Variants in HMCN1 observed in about 807,000 individuals in gnomAD.
HMCN1 encodes the protein hemicentin-1.
Under a neutral mutation model 625.9 loss-of-function variants are expected in HMCN1, and 321 were observed. That is an observed-to-expected ratio of 0.51 (90% CI 0.47 to 0.56). The LOEUF is 0.56. Ranked by LOEUF, HMCN1 falls within the 20% of genes least tolerant of loss-of-function variation. The probability of loss-of-function intolerance (pLI) is 0.00; values close to 1 mark genes in which losing one functional copy is unlikely to be tolerated. For missense variants in HMCN1, 6,588 were observed against 6,887.3 expected (o/e 0.96, Z 1.54); for synonymous variants, 2,425 against 2,417.6 (o/e 1.00, Z -0.09).
chr1:186,031,836 G>C (rs1655459081), intron 36 of HMCN1, among the ~76,000 whole-genome samples: 2 of 151,950 alleles, frequency 1.3e-5, no homozygotes, highest in Admixed American at 6.6e-5. Context: ...GCTTTTAAAA[G>C]TAATTTCTGT....
chr1:185,882,869 C>A (rs1664397151), intron 4 of HMCN1, among the ~76,000 whole-genome samples: 1 of 151,980 alleles, frequency 6.6e-6, no homozygotes, highest in Admixed American at 6.6e-5. Context: ...TGAGGGAGAG[C>A]ATTTACAAAG....
chr1:185,947,215 T>C (rs975917260), intron 11 of HMCN1, among the ~76,000 whole-genome samples: 1 of 152,184 alleles, frequency 6.6e-6, no homozygotes, highest in Non-Finnish European at 1.5e-5. Context: ...TAGTTTAGGG[T>C]TGTCCAATAG....
At chr1:185,845,960 A>G in intron 1 of HMCN1, 66 bp from the exon 2 acceptor site, 1 of 1,010,506 alleles carries the variant, frequency 9.9e-7, no homozygotes, top group South Asian at 1.3e-5. Context: ...GACATCTATA[A>G]ACACAAGAAA....
At chr1:186,173,920 T>C (rs7554865) in intron 102 of HMCN1, among the ~76,000 whole-genome samples, 56,135 of 152,092 alleles carry the variant, frequency 0.37, 10,871 homozygotes, top group African/African-American at 0.46. Context: ...CTGACCATTG[T>C]ACTTTGTATA....
chr1:185,903,487 A>G (rs1665930616), intron 4 of HMCN1, among the ~76,000 whole-genome samples: 1 of 151,488 alleles, frequency 6.6e-6, no homozygotes, highest in Non-Finnish European at 1.5e-5. Context: ...ATTATTTCTT[A>G]TTTTGCCTAC....
chr1:185,996,036 A>T (rs754596648), intron 24 of HMCN1, among the ~76,000 whole-genome samples: 1 of 152,122 alleles, frequency 6.6e-6, no homozygotes, highest in Non-Finnish European at 1.5e-5. Flanking sequence ...ACTAATGAAG[A>T]AGTTTTCCTG....
chr1:185,981,089 T>C lies in HMCN1; in HGVS notation c.2662+16T>C. 1 of 1,409,222 alleles carries C rather than the reference T, an allele frequency of 7.1e-7. No homozygotes were observed. Among genetic ancestry groups the C allele is most frequent in the African/African-American group, 1.4e-5 (1 of 71,044 alleles). 87.3% of individuals were successfully genotyped at this position (1,409,222 alleles called of 1,614,324 possible). A position where few individuals can be genotyped will look rare whatever the true frequency, so the allele number is the denominator to read the frequency against. Reference sequence around the variant, plus strand: ...ACCGGACTTGGTAAGATCAATTGAATGTCTACATACCATGGTCTTCAAAGT... The same window carrying C: ...ACCGGACTTGGTAAGATCAATTGAACGTCTACATACCATGGTCTTCAAAGT... On this transcript the variant is annotated intron_variant, in intron 17 of 106. Transcript: ENST00000271588.
chr1:185,816,965 C>T (rs1256323166), intron 1 of HMCN1, among the ~76,000 whole-genome samples: 1 of 152,072 alleles, frequency 6.6e-6, no homozygotes, highest in Non-Finnish European at 1.5e-5. Flanking sequence ...GGGGTTGCTG[C>T]TGTTGTTTTT....
chr1:185,805,786 AG>A (rs768794002), intron 1 of HMCN1, among the ~76,000 whole-genome samples: 75 of 152,262 alleles, frequency 4.9e-4, no homozygotes, highest in Admixed American at 1.3e-3. Context: ...AGGTATTGTG[AG>A]CAGCACAGCA....
At chr1:185,938,549 C>T (rs909466669) in intron 11 of HMCN1, among the ~76,000 whole-genome samples, 26 of 151,916 alleles carry the variant, frequency 1.7e-4, no homozygotes, top group South Asian at 4.2e-4. Flanking sequence ...AATTCATTTT[C>T]CTTATTCCCT....
At chr1:185,767,017 A>T (rs537364704) in intron 1 of HMCN1, among the ~76,000 whole-genome samples, 2 of 152,248 alleles carry the variant, frequency 1.3e-5, no homozygotes, top group Admixed American at 1.3e-4. Context: ...TCATTAAAAA[A>T]AAAAAAGGAA....
intron 10 of HMCN1, 73 bp downstream of exon 10, chr1:185,928,740 G>T: frequency 2.0e-6 from 3 of 1,485,192 alleles, no homozygotes; most frequent in East Asian, 2.3e-5. Context: ...TTGTTAACCA[G>T]TTTGTGTTTA....
intron 52 of HMCN1, among the ~76,000 whole-genome samples, chr1:186,074,467 T>C (rs1444187109): frequency 6.6e-6 from 1 of 152,046 alleles, no homozygotes; most frequent in Non-Finnish European, 1.5e-5. Context: ...AGAACATATA[T>C]TTATCATAAA....
chr1:186,146,251 T>C (rs1183113502), intron 93 of HMCN1, among the ~76,000 whole-genome samples: 1 of 152,036 alleles, frequency 6.6e-6, no homozygotes, highest in African/African-American at 2.4e-5. Context: ...AAAGCTACAA[T>C]TGGAGGCTGT....
At chr1:186,000,788 A>T (rs1653141914) in intron 26 of HMCN1, among the ~76,000 whole-genome samples, 1 of 151,746 alleles carries the variant, frequency 6.6e-6, no homozygotes, top group African/African-American at 2.4e-5. Context: ...GTAGATACAC[A>T]ACGATTTATT....
At position 186,189,783 on chromosome 1, in the gene HMCN1, A is replaced by T; in HGVS notation, c.16813A>T (p.Met5605Leu). The T allele has an allele frequency of 8.7e-6, 14 of 1,613,782 alleles. No homozygotes were observed. The highest frequency in any genetic ancestry group is 1.2e-5 in the Non-Finnish European group (14 of 1,179,862). ...RPLREAETYRMRVRASSYSAN... is the reference protein window; with the variant it reads ...RPLREAETYRLRVRASSYSAN... ...ACTACGAGAAGCAGAGACCTACCGC[A>T]TGAGGGTCCGAGCCTCATCCTACAG... is the stretch of plus-strand genomic sequence containing the variant. Residue 5605 changes from methionine (M) to leucine (L), a missense_variant, in exon 107 of 107, where the codon ATG (methionine) becomes TTG (leucine). Coordinates refer to ENST00000271588, the MANE Select transcript of HMCN1 (RefSeq NM_031935.3).
intron 1 of HMCN1, among the ~76,000 whole-genome samples, chr1:185,827,102 G>A (rs943996984): frequency 1.3e-5 from 2 of 149,504 alleles, no homozygotes; most frequent in African/African-American, 4.9e-5. Context: ...AACCCGGGAG[G>A]CAGAGCTTGC....
chr1:185,991,722 A>C (rs1216880351), intron 22 of HMCN1, among the ~76,000 whole-genome samples: 1 of 151,952 alleles, frequency 6.6e-6, no homozygotes, highest in Admixed American at 6.6e-5. Flanking sequence ...TAAAAAAAAA[A>C]ACAAGGCTTT....
intron 10 of HMCN1, among the ~76,000 whole-genome samples, chr1:185,930,121 C>A (rs1667468416): frequency 6.6e-6 from 1 of 152,156 alleles, no homozygotes; most frequent in Non-Finnish European, 1.5e-5. Context: ...TCTACACATG[C>A]CCTTCTAGTA....
Sources: gnomAD v4.1 joint callset for allele counts (sites outside exome capture counted in the v4.1 genomes callset) on GRCh38, gnomAD v4.1.1 for gene constraint, MANE v1.5 for transcripts, NCBI Gene and HGNC (gene_info 2026-07-23, HGNC 2026-07-21) for gene names.